Variants in HIP1 observed in about 807,000 individuals in gnomAD.
HIP1 encodes the protein huntingtin-interacting protein 1.
A neutral mutation model predicts 147.6 loss-of-function variants in HIP1; 65 were observed. The ratio of observed to expected loss-of-function variants is 0.44; its 90% CI spans 0.36 to 0.54. The LOEUF (loss-of-function observed/expected upper bound fraction) is 0.54, where lower values mean the gene tolerates loss of function less well. Among genes scored for constraint, HIP1 ranks in the 20% least tolerant of loss-of-function variants. The probability of loss-of-function intolerance (pLI) is 0.00; values close to 1 mark genes in which losing one functional copy is unlikely to be tolerated. For synonymous variants in HIP1, 479 were observed against 504.0 expected (o/e 0.95, Z 0.67); for missense variants, 1,061 against 1,299.6 (o/e 0.82, Z 2.82).
In HIP1 at chr7:75,556,011, A is replaced by G. The variant is rs2116813693; in HGVS notation, c.1827+15T>C. On this transcript the variant is annotated intron_variant, in intron 18 of 30. Transcript: ENST00000336926. ...AATTCACAGGTGCTCGCTCGTGTCC[A>G]TGTCCGTGACTTGCCTCTGTGCTGG... The G allele has an allele frequency of 6.2e-7, 1 of 1,613,666 alleles. No homozygotes were observed. The highest frequency in any genetic ancestry group is 8.5e-7 in the Non-Finnish European group (1 of 1,179,734).
intron 1 of HIP1, among the ~76,000 whole-genome samples, chr7:75,627,746 A>G (rs1164061557): frequency 6.6e-6 from 1 of 152,080 alleles, no homozygotes; most frequent in African/African-American, 2.4e-5. Flanking sequence ...CTTCCCTCCA[A>G]CTACTAGAAA....
intron 1 of HIP1, among the ~76,000 whole-genome samples, chr7:75,650,579 A>G (rs1008852819): frequency 1.3e-5 from 2 of 151,280 alleles, no homozygotes; most frequent in Admixed American, 6.6e-5. Flanking sequence ...TAGCCTCCCA[A>G]GTTGCTGGAA....
chr7:75,646,558 C>T (rs537686436), intron 1 of HIP1, among the ~76,000 whole-genome samples: 6 of 152,224 alleles, frequency 3.9e-5, no homozygotes, highest in Non-Finnish European at 8.8e-5. Context: ...GATAGAGAGA[C>T]ATTAGTGGCT....
Position 75,539,393 on chromosome 7 carries a change from C to T in HIP1, c.2991G>A (p.Glu997=). The T allele has an allele frequency of 6.2e-7, 1 of 1,614,170 alleles. No homozygotes were observed. The highest frequency in any genetic ancestry group is 8.5e-7 in the Non-Finnish European group (1 of 1,180,012). ...TCCGAAGCTCTCCCAGTTTTTGACG[C>T]TCCTTCTGCAATTCATTTTCTAGCT... is the stretch of plus-strand genomic sequence containing the variant. ...VLELENELQK[E]RQKLGELRKK... Residue 997 remains glutamate, a synonymous_variant, in exon 30 of 31, where the codon GAG becomes GAA. Transcript: ENST00000336926.
In HIP1 at chr7:75,594,579, G is replaced by T. The variant is rs902864193; in HGVS notation, c.185-2065C>A. Among the ~76,000 whole-genome samples the T allele has an allele frequency of 5.3e-5, 8 of 152,068 alleles. No individual in the cohort carries two copies. In the South Asian group the frequency reaches 1.0e-3, roughly 20 times the overall value. ...TCACGAGGTCAGGAGATCAAGACCA[G>T]CCTGGCCAACATGGTGAAACCCCGT... On this transcript the variant is annotated intron_variant, in intron 2 of 30. Transcript: ENST00000336926.
intron 1 of HIP1, among the ~76,000 whole-genome samples, chr7:75,660,126 A>AAAAAC (rs1235562276): frequency 2.0e-5 from 3 of 151,876 alleles, no homozygotes; most frequent in Admixed American, 6.6e-5. Flanking sequence ...CTCCGTCTCA[A>AAAAAC]AAAACAAAAC....
At chr7:75,551,415 A>G (rs1794779526) in intron 22 of HIP1, among the ~76,000 whole-genome samples, 1 of 151,702 alleles carries the variant, frequency 6.6e-6, no homozygotes, top group Admixed American at 6.6e-5. Context: ...GAGTTTCACT[A>G]TATTGGCCAG....
At chr7:75,660,628 C>T (rs1489229980) in intron 1 of HIP1, among the ~76,000 whole-genome samples, 6 of 152,156 alleles carry the variant, frequency 3.9e-5, no homozygotes, top group South Asian at 2.1e-4. Context: ...GGAATGCAAC[C>T]GGTAGACAGG....
chr7:75,694,468 T>C (rs1554518546), intron 1 of HIP1, among the ~76,000 whole-genome samples: 1 of 151,742 alleles, frequency 6.6e-6, no homozygotes, highest in Non-Finnish European at 1.5e-5. Flanking sequence ...ACCTTCTAGA[T>C]TGATTCTTTC....
At chr7:75,684,447 CAA>C (rs59055803) in intron 1 of HIP1, among the ~76,000 whole-genome samples, 111 of 43,830 alleles carry the variant, frequency 2.5e-3, no homozygotes, top group African/African-American at 7.3e-3. Context: ...GACTCCGTCT[CAA>C]AAAAAAAAAA....
intron 25 of HIP1, among the ~76,000 whole-genome samples, chr7:75,546,421 C>T (rs587684779): frequency 2.2e-4 from 33 of 152,260 alleles, no homozygotes; most frequent in East Asian, 5.8e-4. Flanking sequence ...CCTGGACTTA[C>T]GCCTCCCGAG....
intron 4 of HIP1, among the ~76,000 whole-genome samples, chr7:75,591,722 C>CAAA (rs1168286308): frequency 1.3e-5 from 1 of 79,704 alleles, no homozygotes; most frequent in East Asian, 3.3e-4. Flanking sequence ...CCGTCTCTAC[C>CAAA]AAAAAAAAAA....
intron 1 of HIP1, among the ~76,000 whole-genome samples, chr7:75,672,664 A>C (rs894939642): frequency 6.6e-6 from 1 of 152,092 alleles, no homozygotes; most frequent in Admixed American, 6.6e-5. Flanking sequence ...TGAAGCAAAA[A>C]CATTTGTAAT....
chr7:75,731,656 C>T (rs1468018683), intron 1 of HIP1, among the ~76,000 whole-genome samples: 2 of 152,018 alleles, frequency 1.3e-5, no homozygotes, highest in African/African-American at 4.8e-5. Flanking sequence ...GCTCAGGGTG[C>T]TACACAGCCT....
chr7:75,607,082 T>A (rs1351623617), intron 1 of HIP1, among the ~76,000 whole-genome samples: 4 of 151,432 alleles, frequency 2.6e-5, no homozygotes, highest in African/African-American at 9.7e-5. Context: ...AATTTTTTTT[T>A]AAATAGCCAG....
At chr7:75,544,026 G>A (rs587694705) in intron 27 of HIP1, among the ~76,000 whole-genome samples, 3 of 152,264 alleles carry the variant, frequency 2.0e-5, no homozygotes, top group South Asian at 4.1e-4. Flanking sequence ...CAAAAAATTA[G>A]CTGGGCGTGG....
chr7:75,586,852 GA>G lies in HIP1; in HGVS notation c.385-20del. ...GGTGGCCCTTTTAGGAAGAGGAGGGGAAACAGAGTCAACAACAAGAACATAA... is the reference window on the plus strand; with the variant it reads ...GGTGGCCCTTTTAGGAAGAGGAGGGGAACAGAGTCAACAACAAGAACATAA... On this transcript the variant is annotated intron_variant, in intron 4 of 30. Coordinates refer to ENST00000336926, the MANE Select transcript of HIP1 (RefSeq NM_005338.7). 1 of 1,516,732 alleles carries G rather than the reference GA, an allele frequency of 6.6e-7. No individual in the cohort carries two copies. The highest frequency in any genetic ancestry group is 9.2e-7 in the Non-Finnish European group (1 of 1,092,748). 94.0% of individuals were successfully genotyped at this position (1,516,732 alleles called of 1,614,324 possible). A position where few individuals can be genotyped will look rare whatever the true frequency, so the allele number is the denominator to read the frequency against.
intron 1 of HIP1, among the ~76,000 whole-genome samples, chr7:75,730,700 G>A (rs1249987498): frequency 6.6e-6 from 1 of 151,340 alleles, no homozygotes; most frequent in African/African-American, 2.4e-5. Context: ...CTCATGTAAG[G>A]CCTTTACCAT....
intron 1 of HIP1, among the ~76,000 whole-genome samples, chr7:75,666,582 G>T (rs978144647): frequency 6.6e-6 from 1 of 152,222 alleles, no homozygotes; most frequent in Admixed American, 6.6e-5. Flanking sequence ...CCACTGCGTG[G>T]TCTTCTACAG....
Sources: allele counts gnomAD v4.1 joint callset (sites outside exome capture counted in the v4.1 genomes callset), GRCh38; gene constraint gnomAD v4.1.1; transcripts MANE v1.5; gene names NCBI Gene and HGNC (gene_info 2026-07-23, HGNC 2026-07-21).